The following NRF1 variants were observed in gnomAD, a reference collection of about 807,000 sequenced individuals.
NRF1 encodes the protein nuclear respiratory factor 1, also known as alpha palindromic-binding protein.
NRF1 carries 5 observed loss-of-function variants against 58.5 expected under a neutral mutation model. The ratio of observed to expected loss-of-function variants is 0.09; its 90% confidence interval spans 0.04 to 0.18. The LOEUF (loss-of-function observed/expected upper bound fraction) is 0.18. Among genes scored for constraint, NRF1 ranks in the 10% least tolerant of loss-of-function variants. NRF1 has a pLI of 1.00. For missense variants in NRF1, 288 were observed against 657.7 expected (o/e 0.44, Z 6.15); for synonymous variants, 224 against 246.7 (o/e 0.91, Z 0.86).
intron 2 of NRF1, among the ~76,000 whole-genome samples, chr7:129,662,101 CG>C (rs1376496212): frequency 1.4e-5 from 2 of 148,096 alleles, no homozygotes; most frequent in African/African-American, 5.3e-5. Flanking sequence ...AGAACAGCAC[CG>C]GAAAGACCTG....
At chr7:129,672,773 G>C (rs1022679297) in intron 3 of NRF1, among the ~76,000 whole-genome samples, 2 of 152,118 alleles carry the variant, frequency 1.3e-5, no homozygotes, top group African/African-American at 4.8e-5. Flanking sequence ...ATTTGGTTTT[G>C]GACATGGTAA....
rs767037669 is a variant in NRF1, at chr7:129,717,305, G to C, written c.1152G>C (p.Ser384=). 2.5e-6 allele frequency: 4 copies of C among 1,613,980 alleles called. No individual in the cohort carries two copies. The African/African-American group carries it at 4.0e-5, about 16-fold the overall frequency. The change falls in exon 9 of 11, where the codon TCG becomes TCC. Residue 384 remains serine, a synonymous_variant. Coordinates refer to ENST00000393232, the MANE Select transcript of NRF1 (RefSeq NM_005011.5). The stretch of plus-strand genomic sequence containing the variant: ...CAGAGGCCACCCAGGCGGTGGCATC[G>C]TTGGCAGAGGCCGCAGTGGCAGCTT... ...QASEATQAVA[S]LAEAAVAASQ...
intron 10 of NRF1, among the ~76,000 whole-genome samples, chr7:129,732,828 C>T (rs1489708173): frequency 6.6e-6 from 1 of 152,128 alleles, no homozygotes; most frequent in Non-Finnish European, 1.5e-5. Flanking sequence ...TCTCGAACTC[C>T]CGACCTCAGG....
chr7:129,709,089 A>G lies in NRF1; in HGVS notation c.621A>G (p.Ala207=). 1 of 1,559,532 alleles carries G rather than the reference A, an allele frequency of 6.4e-7. No homozygotes were observed. Among genetic ancestry groups the G allele is most frequent in the Non-Finnish European group, 8.7e-7 (1 of 1,150,982 alleles). ...VDKMTQAQLR[A]FIPEMLKYST... ...TTCTCTTCCAGGCCCAGCTTCGGGCATTTATCCCAGAGATGCTCAAGTACT... is the reference window on the plus strand; with the variant it reads ...TTCTCTTCCAGGCCCAGCTTCGGGCGTTTATCCCAGAGATGCTCAAGTACT... Residue 207 remains alanine (A), a synonymous_variant, in exon 6 of 11, where the codon GCA becomes GCG. Coordinates refer to ENST00000393232, the MANE Select transcript of NRF1 (RefSeq NM_005011.5).
chr7:129,657,623 TTTTG>T, intron 2 of NRF1, 49 bp downstream of exon 2: 1 of 1,366,906 alleles, frequency 7.3e-7, no homozygotes, highest in Non-Finnish European at 1.0e-6. Context: ...TTTTTTTTTT[TTTTG>T]GAGACAGCGT....
intron 10 of NRF1, among the ~76,000 whole-genome samples, chr7:129,742,653 A>C (rs1189872788): frequency 6.6e-6 from 1 of 152,204 alleles, no homozygotes; most frequent in Non-Finnish European, 1.5e-5. Flanking sequence ...TTTTAGGTGA[A>C]TACAAAGCAT....
chr7:129,695,879 G>T (rs890960913), intron 5 of NRF1, among the ~76,000 whole-genome samples: 1 of 150,978 alleles, frequency 6.6e-6, no homozygotes, highest in Non-Finnish European at 1.5e-5. Flanking sequence ...TTTTATAATA[G>T]AAATACAAAA....
At chr7:129,665,603 G>A (rs1054942109) in intron 2 of NRF1, among the ~76,000 whole-genome samples, 16 of 152,218 alleles carry the variant, frequency 1.1e-4, no homozygotes, top group African/African-American at 3.6e-4. Flanking sequence ...TCAATCACCA[G>A]TATGTTGTTT....
chr7:129,737,332 A>C (rs1202663227), intron 10 of NRF1, among the ~76,000 whole-genome samples: 3 of 152,254 alleles, frequency 2.0e-5, no homozygotes, highest in Non-Finnish European at 4.4e-5. Flanking sequence ...TCTCTTCTGC[A>C]CATAGTTTGC....
intron 1 of NRF1, among the ~76,000 whole-genome samples, chr7:129,616,829 G>A (rs779609055): frequency 9.9e-5 from 15 of 152,164 alleles, no homozygotes; most frequent in Admixed American, 2.6e-4. Context: ...TTCTCTTAAG[G>A]AGAAGTGTGT....
intron 9 of NRF1, among the ~76,000 whole-genome samples, chr7:129,726,940 T>C (rs1041183486): frequency 2.5e-4 from 38 of 152,202 alleles, no homozygotes; most frequent in Admixed American, 2.2e-3. Context: ...TCAGCTGATA[T>C]TGATAAGGAA....
chr7:129,690,978 C>T (rs981946257), intron 5 of NRF1, among the ~76,000 whole-genome samples: 2 of 152,156 alleles, frequency 1.3e-5, no homozygotes, highest in Non-Finnish European at 2.9e-5. Context: ...GTACAGCTTC[C>T]TTCCGCAAGA....
At chr7:129,711,609 A>G in intron 8 of NRF1, 33 bp downstream of exon 8, 1 of 1,517,418 alleles carries the variant, frequency 6.6e-7, no homozygotes, top group East Asian at 2.3e-5. Context: ...ATCTTCTTAA[A>G]TACTTGAATG....
At chr7:129,674,093 A>T (rs975829050) in intron 3 of NRF1, among the ~76,000 whole-genome samples, 1 of 152,128 alleles carries the variant, frequency 6.6e-6, no homozygotes, top group Non-Finnish European at 1.5e-5. Context: ...GTGAGCCGAG[A>T]TCGCACCACT....
chr7:129,656,532 G>A (rs1801659835), intron 1 of NRF1, among the ~76,000 whole-genome samples: 1 of 151,906 alleles, frequency 6.6e-6, no homozygotes, highest in Admixed American at 6.6e-5. Context: ...GTATCATTTT[G>A]GGGTTTACAA....
chr7:129,644,093 T>C (rs1277473599), intron 1 of NRF1, among the ~76,000 whole-genome samples: 1 of 152,212 alleles, frequency 6.6e-6, no homozygotes, highest in African/African-American at 2.4e-5. Context: ...AGTTTTGTCT[T>C]CTCTGTGCTC....
chr7:129,738,418 C>A (rs1803772149), intron 10 of NRF1, among the ~76,000 whole-genome samples: 1 of 152,224 alleles, frequency 6.6e-6, no homozygotes, highest in African/African-American at 2.4e-5. Context: ...GTGTCTTCCA[C>A]ACGCCCCCCT....
intron 1 of NRF1, among the ~76,000 whole-genome samples, chr7:129,619,891 G>A (rs1433204043): frequency 6.6e-6 from 1 of 151,784 alleles, no homozygotes; most frequent in African/African-American, 2.4e-5. Context: ...TTAACCTGGG[G>A]TTTTCTGGTT....
Position 129,756,656 on chromosome 7 carries a change from C to T in NRF1, c.*1475C>T, listed in dbSNP as rs1562996474. ...CCTCCTCCCTCCTCCCAGCTCTCCC[C>T]ATGTGTGTGATGGTGTATTTAATGT... On this transcript the variant is annotated 3_prime_UTR_variant, in exon 11 of 11. Coordinates refer to ENST00000393232, the MANE Select transcript of NRF1 (RefSeq NM_005011.5). 1 of 152,664 alleles carries T rather than the reference C, an allele frequency of 6.6e-6. No individual in the cohort carries two copies. Among genetic ancestry groups the T allele is most frequent in the Non-Finnish European group, 1.5e-5 (1 of 68,064 alleles). The allele number at this position is 152,664 out of a possible 1,614,324, so 9.5% of individuals were successfully genotyped here.
Sources: gnomAD v4.1 joint callset for allele counts (sites outside exome capture counted in the v4.1 genomes callset) on GRCh38, gnomAD v4.1.1 for gene constraint, MANE v1.5 for transcripts, NCBI Gene and HGNC (gene_info 2026-07-23, HGNC 2026-07-21) for gene names.